The following ATP11C variants were observed in gnomAD, a reference collection of about 807,000 sequenced individuals.
ATP11C encodes the protein phospholipid-transporting ATPase IG.
Under a neutral mutation model 97.4 loss-of-function variants are expected in ATP11C, and 36 were observed. The ratio of observed to expected loss-of-function variants is 0.37; its 90% confidence interval spans 0.28 to 0.49. ATP11C has a LOEUF of 0.49. ATP11C is among the 20% of genes least tolerant of loss of function. The pLI, the probability that ATP11C is intolerant of heterozygous loss-of-function variation, is 0.98. For synonymous variants in ATP11C, 275 were observed against 290.9 expected (o/e 0.95, Z 0.56); for missense variants, 730 against 824.6 (o/e 0.89, Z 1.40).
chrX:139,778,886 G>A (rs778207840), intron 18 of ATP11C, among the ~76,000 whole-genome samples: 43 of 111,613 alleles, frequency 3.9e-4, no homozygotes, highest in Middle Eastern at 9.2e-3. Flanking sequence ...AATCTAAAGG[G>A]ATGGAGAAAG....
At chrX:139,770,035 TAAAG>T (rs2082223342) in intron 19 of ATP11C, among the ~76,000 whole-genome samples, 1 of 112,132 alleles carries the variant, frequency 8.9e-6, no homozygotes, top group Non-Finnish European at 1.9e-5. Context: ...ATTCACTAAA[TAAAG>T]AGACATAAAT....
chrX:139,796,615 A>AG, intron 11 of ATP11C, 145 bp from the exon 12 acceptor site: 1 of 432,475 alleles, frequency 2.3e-6, no homozygotes, highest in Non-Finnish European at 4.0e-6. Context: ...ATAACACTAC[A>AG]TCACTGTAGT....
intron 1 of ATP11C, among the ~76,000 whole-genome samples, chrX:139,843,060 A>G (rs902696665): frequency 8.9e-6 from 1 of 112,302 alleles, no homozygotes; most frequent in East Asian, 2.8e-4. Flanking sequence ...AAGTAAACTG[A>G]AAGTTCAACT....
intron 8 of ATP11C, 39 bp downstream of exon 8, chrX:139,800,021 C>CA (rs750611959): frequency 3.5e-6 from 2 of 577,019 alleles, no homozygotes; most frequent in Non-Finnish European, 5.5e-6. Context: ...AGACCCCCCC[C>CA]CCCAACCAAA....
chrX:139,829,233 G>A (rs1167495969), intron 1 of ATP11C, among the ~76,000 whole-genome samples: 1 of 109,697 alleles, frequency 9.1e-6, no homozygotes, highest in Admixed American at 9.7e-5. Flanking sequence ...GTTGAGACGT[G>A]CCTGAGACTG....
chrX:139,810,454 T>G (rs779703254), intron 5 of ATP11C, among the ~76,000 whole-genome samples: 7 of 111,614 alleles, frequency 6.3e-5, no homozygotes, highest in Non-Finnish European at 1.3e-4. Context: ...AAACTCCATC[T>G]CAAAACAAAA....
chrX:139,874,004 C>A (rs1313642175), intron 1 of ATP11C, among the ~76,000 whole-genome samples: 1 of 108,005 alleles, frequency 9.3e-6, no homozygotes. Flanking sequence ...TATCTCCCTG[C>A]ACCTCAGTTT....
chrX:139,798,802 G>A (rs997550748), intron 8 of ATP11C, 59 bp from the exon 9 acceptor site: 10 of 964,364 alleles, frequency 1.0e-5, no homozygotes, highest in Non-Finnish European at 1.3e-5. Flanking sequence ...CAACTCTGGG[G>A]ACAGATTTTG....
At chrX:139,827,801 A>G (rs1341476246) in intron 1 of ATP11C, among the ~76,000 whole-genome samples, 1 of 111,650 alleles carries the variant, frequency 9.0e-6, no homozygotes, top group East Asian at 2.8e-4. Context: ...CAAAGGTATA[A>G]ATCCCACCCT....
intron 1 of ATP11C, among the ~76,000 whole-genome samples, chrX:139,850,405 A>G (rs1183761849): frequency 3.6e-5 from 4 of 111,730 alleles, no homozygotes; most frequent in African/African-American, 9.8e-5. Context: ...AAACTGGAGT[A>G]AACACCATCC....
At chrX:139,831,770 C>T (rs1330331534) in intron 1 of ATP11C, among the ~76,000 whole-genome samples, 2 of 111,684 alleles carry the variant, frequency 1.8e-5, no homozygotes, top group Non-Finnish European at 3.8e-5. Flanking sequence ...AAGTAACCTG[C>T]GACTCTCAGT....
chrX:139,875,301 A>G (rs1311959203), intron 1 of ATP11C, among the ~76,000 whole-genome samples: 1 of 109,189 alleles, frequency 9.2e-6, no homozygotes, highest in East Asian at 2.9e-4. Context: ...TTTGAGACTA[A>G]TAACACCAAT....
At chrX:139,894,047 C>T (rs1569487230) in intron 1 of ATP11C, among the ~76,000 whole-genome samples, 1 of 111,461 alleles carries the variant, frequency 9.0e-6, no homozygotes, top group Non-Finnish European at 1.9e-5. Context: ...TCTCTAACTC[C>T]AAAGCAAAAG....
intron 1 of ATP11C, among the ~76,000 whole-genome samples, chrX:139,859,976 G>C (rs2084157661): frequency 1.1e-5 from 1 of 93,179 alleles, no homozygotes; most frequent in Non-Finnish European, 1.9e-5. Flanking sequence ...GTAGTGGCGG[G>C]CGCCTGTAGT....
chrX:139,797,477 T>C (rs1327790167), intron 10 of ATP11C, 151 bp from the exon 11 acceptor site: 1 of 425,842 alleles, frequency 2.3e-6, no homozygotes, highest in Non-Finnish European at 3.7e-6. Flanking sequence ...GCTGCAGCAT[T>C]ACTTTCAAGT....
chrX:139,873,316 T>C (rs2084407063), intron 1 of ATP11C, among the ~76,000 whole-genome samples: 2 of 112,064 alleles, frequency 1.8e-5, no homozygotes, highest in Non-Finnish European at 3.8e-5. Context: ...GAATACAGAA[T>C]TTGTTTTGCA....
intron 1 of ATP11C, among the ~76,000 whole-genome samples, chrX:139,890,359 C>T (rs933943237): frequency 9.0e-6 from 1 of 110,947 alleles, no homozygotes; most frequent in Non-Finnish European, 1.9e-5. Flanking sequence ...AACAAGACCT[C>T]ATCTCTACAA....
intron 1 of ATP11C, among the ~76,000 whole-genome samples, chrX:139,855,321 T>C (rs1478335287): frequency 8.9e-6 from 1 of 111,993 alleles, no homozygotes; most frequent in Non-Finnish European, 1.9e-5. Flanking sequence ...TCCACTTTCC[T>C]TTCCCTCAAA....
At chrX:139,792,088 A>G (rs150707578) in intron 12 of ATP11C, among the ~76,000 whole-genome samples, 43 of 110,342 alleles carry the variant, frequency 3.9e-4, no homozygotes, top group African/African-American at 1.3e-3. Context: ...TGGGATTTTC[A>G]GCCCCACACC....
Sources: allele counts gnomAD v4.1 joint callset (sites outside exome capture counted in the v4.1 genomes callset), GRCh38; gene constraint gnomAD v4.1.1; transcripts MANE v1.5; gene names NCBI Gene and HGNC (gene_info 2026-07-23, HGNC 2026-07-21).